The following SOX5 variants were observed in gnomAD, a reference collection of about 807,000 sequenced individuals.
The protein encoded by SOX5 is SRY-box transcription factor 5.
A neutral mutation model predicts 92.0 loss-of-function variants in SOX5; 9 were observed. The observed-to-expected ratio is 0.10, with a 90% CI of 0.06 to 0.17. SOX5 has a LOEUF of 0.17. Among genes scored for constraint, SOX5 ranks in the 10% least tolerant of loss-of-function variants. The pLI is 1.00. For synonymous variants in SOX5, 344 were observed against 336.3 expected (o/e 1.02, Z -0.25); for missense variants, 642 against 944.5 (o/e 0.68, Z 4.20).
At chr12:23,763,260 G>A (rs769576514) in intron 3 of SOX5, among the ~76,000 whole-genome samples, 2 of 152,088 alleles carry the variant, frequency 1.3e-5, no homozygotes, top group Non-Finnish European at 2.9e-5. Context: ...GATAATTTAT[G>A]TAACGCCATT....
At chr12:24,250,448 G>A (rs1007749031) in intron 3 of SOX5, among the ~76,000 whole-genome samples, 1 of 152,136 alleles carries the variant, frequency 6.6e-6, no homozygotes, top group African/African-American at 2.4e-5. Context: ...CAAAAGGTTG[G>A]TGTTCCATTA....
intron 1 of SOX5, among the ~76,000 whole-genome samples, chr12:24,475,266 T>A (rs1945238828): frequency 6.6e-6 from 1 of 152,224 alleles, no homozygotes; most frequent in Non-Finnish European, 1.5e-5. Flanking sequence ...AAGTTAATAA[T>A]ACATATTTTA....
chr12:24,061,265 T>C (rs1939640979), intron 4 of SOX5, among the ~76,000 whole-genome samples: 1 of 152,118 alleles, frequency 6.6e-6, no homozygotes, highest in African/African-American at 2.4e-5. Context: ...TAAGGATCCA[T>C]AAGTATCCCG....
chr12:24,396,649 T>A (rs1596274369), intron 1 of SOX5, among the ~76,000 whole-genome samples: 1 of 152,338 alleles, frequency 6.6e-6, no homozygotes, highest in East Asian at 1.9e-4. Flanking sequence ...GTTAACCCAG[T>A]GAATCTTGTA....
At chr12:24,205,402 A>T (rs1284900646) in intron 4 of SOX5, among the ~76,000 whole-genome samples, 1 of 152,168 alleles carries the variant, frequency 6.6e-6, no homozygotes, top group Non-Finnish European at 1.5e-5. Context: ...TCATCTCATT[A>T]CATCCTCAAA....
chr12:23,564,302 G>A (rs773520700), intron 10 of SOX5, among the ~76,000 whole-genome samples: 1 of 152,172 alleles, frequency 6.6e-6, no homozygotes, highest in African/African-American at 2.4e-5. Flanking sequence ...TTAGACGTAC[G>A]TTAGTACTGA....
At chr12:24,483,121 T>C (rs1273659516) in intron 1 of SOX5, among the ~76,000 whole-genome samples, 1 of 152,206 alleles carries the variant, frequency 6.6e-6, no homozygotes, top group African/African-American at 2.4e-5. Flanking sequence ...AAACCACTCA[T>C]TTGTTGACTA....
intron 3 of SOX5, among the ~76,000 whole-genome samples, chr12:23,835,341 C>T (rs1004476874): frequency 6.6e-6 from 1 of 151,828 alleles, no homozygotes; most frequent in African/African-American, 2.4e-5. Flanking sequence ...GAAATGGATT[C>T]TTGCTTTAGA....
rs1454708028 is a variant in SOX5 at position 23,829,793 on chromosome 12, G to T, written c.481+16190C>A. On this transcript the variant is annotated intron_variant, in intron 3 of 14. Transcript: ENST00000451604. Reference sequence around the variant, plus strand: ...TGAGTCAAATAGCCAAATAAGAAAAGAATGATGGCTTGATTATTAAGAGAA... The same window carrying T: ...TGAGTCAAATAGCCAAATAAGAAAATAATGATGGCTTGATTATTAAGAGAA... 3.9e-5 allele frequency among the ~76,000 whole-genome samples: 6 copies of T among 152,088 alleles called. No individual in the cohort carries two copies. In the East Asian group the frequency reaches 9.6e-4, roughly 24 times the overall value.
intron 2 of SOX5, among the ~76,000 whole-genome samples, chr12:24,287,592 CTTTTTTTTTTTTTT>C (rs763973565): frequency 2.5e-5 from 2 of 79,672 alleles, no homozygotes. Context: ...TTCTCAAATC[CTTTTTTTTTTTTTT>C]TTTTTTTTTT....
intron 3 of SOX5, among the ~76,000 whole-genome samples, chr12:23,811,906 CTT>C (rs915230611): frequency 2.0e-5 from 3 of 152,012 alleles, no homozygotes; most frequent in African/African-American, 7.2e-5. Flanking sequence ...AGACTTATCT[CTT>C]TGTTAACTTC....
chr12:24,471,984 G>C (rs766997318), intron 1 of SOX5, among the ~76,000 whole-genome samples: 31 of 152,064 alleles, frequency 2.0e-4, no homozygotes, highest in Non-Finnish European at 4.1e-4. Context: ...ATGTCAACTG[G>C]CACCAAACCA....
At chr12:24,211,785 T>C (rs1958644711) in intron 4 of SOX5, among the ~76,000 whole-genome samples, 3 of 152,190 alleles carry the variant, frequency 2.0e-5, no homozygotes, top group African/African-American at 7.2e-5. Flanking sequence ...CCAAGTTTCT[T>C]TCTGTCTCAT....
intron 4 of SOX5, among the ~76,000 whole-genome samples, chr12:24,149,314 C>G (rs183606884): frequency 6.6e-6 from 1 of 151,928 alleles, no homozygotes; most frequent in Non-Finnish European, 1.5e-5. Context: ...TGATAAAGAA[C>G]TTATAATCCG....
rs557838784 is a variant in SOX5, at chr12:24,336,109, T to C, written c.-174+32454A>G. ...GTGTTTTTTGTTTGTTTGTTTGTTT[T>C]TTTGAGACAGAGTCTCGCTCTGTCA... On this transcript the variant is annotated intron_variant, in intron 2 of 4. Transcript: ENST00000446891. Among the ~76,000 whole-genome samples the C allele has an allele frequency of 4.2e-3, 640 of 151,384 alleles. 1 individual carries two copies. Among genetic ancestry groups the C allele is most frequent in the Middle Eastern group, 0.014 (4 of 290 alleles).
intron 1 of SOX5, among the ~76,000 whole-genome samples, chr12:24,520,722 C>A (rs151094018): frequency 6.6e-6 from 1 of 152,022 alleles, no homozygotes; most frequent in African/African-American, 2.4e-5. Context: ...GAAAAAAAAT[C>A]CAGTGATATA....
At position 24,065,661 on chromosome 12, in the gene SOX5, A is replaced by G. The variant is rs531946440; in HGVS notation, c.-2+147682T>C. Among the ~76,000 whole-genome samples the G allele has an allele frequency of 4.2e-3, 485 of 116,202 alleles. 1 individual carries two copies. The highest frequency in any genetic ancestry group is 0.012 in the African/African-American group (450 of 38,694). The allele number at this position is 116,202 out of a possible 152,430, so 76.2% of individuals were successfully genotyped here. The stretch of plus-strand genomic sequence containing the variant: ...ACTCCATCTCAAAAAAAAAAAAAAA[A>G]AAAAAGAAAAGAAAAAAGAAAAAGA... On this transcript the variant is annotated intron_variant, in intron 4 of 4. Transcript: ENST00000446891.
intron 14 of SOX5, among the ~76,000 whole-genome samples, chr12:23,534,863 C>T (rs950758739): frequency 3.3e-5 from 5 of 152,052 alleles, no homozygotes; most frequent in Non-Finnish European, 7.4e-5. Context: ...GCGCCTGCCA[C>T]CACACCTGGC....
chr12:24,406,513 A>T (rs34879513), intron 1 of SOX5, among the ~76,000 whole-genome samples: 21,716 of 152,206 alleles, frequency 0.14, 1,585 homozygotes, highest in Middle Eastern at 0.19. Context: ...GTTCAGCAAC[A>T]GCAACTAGGA....
Sources: gnomAD v4.1 joint callset for allele counts (sites outside exome capture counted in the v4.1 genomes callset) on GRCh38, gnomAD v4.1.1 for gene constraint, MANE v1.5 for transcripts, NCBI Gene and HGNC (gene_info 2026-07-23, HGNC 2026-07-21) for gene names.